TMEM63A: variants seen among roughly 807,000 people sequenced by gnomAD.
TMEM63A encodes the protein transmembrane protein 63A.
Under a neutral mutation model 100.6 loss-of-function variants are expected in TMEM63A, and 76 were observed. The ratio of observed to expected loss-of-function variants is 0.76; its 90% CI spans 0.63 to 0.91. TMEM63A has a LOEUF of 0.91. Ranked by LOEUF, TMEM63A falls within the 40% of genes least tolerant of loss-of-function variation. TMEM63A has a pLI of 0.00. For missense variants in TMEM63A, 876 were observed against 1,008.8 expected (o/e 0.87, Z 1.78); for synonymous variants, 401 against 401.1 (o/e 1.00, Z 0.00).
At chr1:225,852,150 A>G (rs1669374733) in intron 20 of TMEM63A, among the ~76,000 whole-genome samples, 2 of 152,356 alleles carry the variant, frequency 1.3e-5, no homozygotes, top group African/African-American at 2.4e-5. Flanking sequence ...CAGAAATACT[A>G]AGAGAGGTCC....
At chr1:225,847,738 A>G (rs1669091790) in intron 23 of TMEM63A, among the ~76,000 whole-genome samples, 1 of 152,178 alleles carries the variant, frequency 6.6e-6, no homozygotes, top group African/African-American at 2.4e-5. Flanking sequence ...CTGCTTGGCC[A>G]GCATAGCCAC....
rs1361620020 is a variant in TMEM63A, at chr1:225,845,851, GACAGGC to G, written c.*1082_*1087del. ...TAAGCCCAGGCCCCCCAGGCCAGCGGACAGGCACAGGCAGGGCCTACAGAGGTGCCA... is the reference window on the plus strand; with the variant it reads ...TAAGCCCAGGCCCCCCAGGCCAGCGGACAGGCAGGGCCTACAGAGGTGCCA... On this transcript the variant is annotated 3_prime_UTR_variant, in exon 25 of 25. Coordinates refer to ENST00000366835, the MANE Select transcript of TMEM63A (RefSeq NM_014698.3). The G allele has an allele frequency of 1.8e-5, 4 of 224,660 alleles. No homozygotes were observed. Among genetic ancestry groups the G allele is most frequent in the East Asian group, 2.2e-4 (2 of 9,016 alleles). The allele number at this position is 224,660 out of a possible 1,614,324, so 13.9% of individuals were successfully genotyped here.
chr1:225,855,152 G>A (rs1242106457), intron 18 of TMEM63A, among the ~76,000 whole-genome samples: 3 of 152,154 alleles, frequency 2.0e-5, no homozygotes, highest in Admixed American at 2.0e-4. Context: ...CATTCTTTTA[G>A]GAAAGTCAAT....
downstream of TMEM63A, among the ~76,000 whole-genome samples, chr1:225,844,906 G>A (rs533718071): frequency 3.9e-5 from 6 of 152,270 alleles, no homozygotes; most frequent in African/African-American, 1.4e-4. Context: ...GTCTCACATG[G>A]AAACCCTCAA....
intron 1 of TMEM63A, among the ~76,000 whole-genome samples, chr1:225,881,257 A>T (rs1671073833): frequency 6.6e-6 from 1 of 152,212 alleles, no homozygotes; most frequent in South Asian, 2.1e-4. Context: ...TCAGACAAGC[A>T]GCCTAACCAC....
chr1:225,845,296 G>A (rs769782064), downstream of TMEM63A: 4 of 1,612,710 alleles, frequency 2.5e-6, no homozygotes, highest in African/African-American at 2.7e-5. Context: ...AGGAGCCGGA[G>A]CTGCTCGCCC....
downstream of TMEM63A, chr1:225,844,463 C>T (rs529278472): frequency 6.8e-7 from 1 of 1,480,402 alleles, no homozygotes; most frequent in Non-Finnish European, 9.3e-7. Flanking sequence ...CTGCATGTGG[C>T]ACTGAGAGTG....
chr1:225,859,649 G>GTT (rs57486744), intron 14 of TMEM63A: 1,264 of 265,854 alleles, frequency 4.8e-3, no homozygotes, highest in Middle Eastern at 0.013. Context: ...TTCTTTTTCT[G>GTT]TTTTTTTTTT....
At chr1:225,873,097 TCC>T (rs1191931061) in intron 4 of TMEM63A, among the ~76,000 whole-genome samples, 2 of 152,140 alleles carry the variant, frequency 1.3e-5, no homozygotes, top group Non-Finnish European at 2.9e-5. Context: ...AGAGACACTG[TCC>T]CTTTTGACCT....
At chr1:225,845,322 T>C, downstream of TMEM63A, 1 of 1,611,760 alleles carries the variant, frequency 6.2e-7, no homozygotes, top group Non-Finnish European at 8.5e-7. Flanking sequence ...ATCCGCAAGT[T>C]CCTGTCGGTG....
At chr1:225,842,417 A>G (rs762468188), downstream of TMEM63A, 2 of 1,614,030 alleles carry the variant, frequency 1.2e-6, no homozygotes, top group Non-Finnish European at 1.7e-6. Context: ...ATTCTAGAGA[A>G]GTTTTCCACC....
chr1:225,872,901 C>T (rs1313305827), intron 4 of TMEM63A, among the ~76,000 whole-genome samples: 1 of 151,954 alleles, frequency 6.6e-6, no homozygotes, highest in Non-Finnish European at 1.5e-5. Flanking sequence ...ATCATCTTGG[C>T]CAGGCTGGTC....
Position 225,867,230 on chromosome 1 carries a change from A to C in TMEM63A, c.515-67T>G. 2 of 1,541,192 alleles carry C rather than the reference A, an allele frequency of 1.3e-6. No individual in the cohort carries two copies. The highest frequency in any genetic ancestry group is 1.8e-6 in the Non-Finnish European group (2 of 1,113,812). On this transcript the variant is annotated intron_variant, in intron 7 of 24. Transcript: ENST00000366835. The surrounding 1 kb of genome is among the most constrained non-coding windows in gnomAD (Gnocchi z 4.6). ...GAAGCAGGAGGGGGCGTAACCAATCAGCCTTGGTTTGTGGAGCTCTGGGGA... is the reference window on the plus strand; with the variant it reads ...GAAGCAGGAGGGGGCGTAACCAATCCGCCTTGGTTTGTGGAGCTCTGGGGA...
intron 2 of TMEM63A, among the ~76,000 whole-genome samples, chr1:225,878,885 TACACACACACACACACACAC>T (rs55792328): frequency 7.2e-6 from 1 of 139,520 alleles, no homozygotes; most frequent in Non-Finnish European, 1.5e-5. Context: ...CCTACCTACC[TACACACACACACACACACAC>T]ACACACACAC....
Position 225,860,883 on chromosome 1 carries a change from A to G in TMEM63A, c.1200T>C (p.Ala400=), listed in dbSNP as rs2102618078. 6.2e-7 allele frequency: 1 copy of G among 1,611,566 alleles called. No homozygotes were observed. Among genetic ancestry groups the G allele is most frequent in the Non-Finnish European group, 8.5e-7 (1 of 1,178,852 alleles). The change falls in exon 14 of 25, where the codon GCT becomes GCC. Residue 400 remains alanine (A), a synonymous_variant. Coordinates refer to ENST00000366835, the MANE Select transcript of TMEM63A (RefSeq NM_014698.3). Reference sequence around the variant, plus strand: ...ACCAGCAGATGTCCTCAGGGTCAGCAGCAAAGGTGACTGTCCACTTGGAGG... The same window carrying G: ...ACCAGCAGATGTCCTCAGGGTCAGCGGCAAAGGTGACTGTCCACTTGGAGG... ...LYTSKWTVTF[A]ADPEDICWKN... is the part of the protein sequence containing the mutation.
At chr1:225,878,071 C>T (rs1323729383) in intron 2 of TMEM63A, among the ~76,000 whole-genome samples, 2 of 152,266 alleles carry the variant, frequency 1.3e-5, no homozygotes, top group South Asian at 2.1e-4. Flanking sequence ...AAGAAGGGAA[C>T]ATCCAAGTAT....
intron 6 of TMEM63A, among the ~76,000 whole-genome samples, chr1:225,868,963 G>A (rs56108141): frequency 0.079 from 12,073 of 152,300 alleles, 665 homozygotes; most frequent in South Asian, 0.23. Flanking sequence ...TACAGAGGGA[G>A]AAGGGGCAGG....
At chr1:225,880,003 T>G (rs1671010909) in intron 1 of TMEM63A, among the ~76,000 whole-genome samples, 1 of 151,930 alleles carries the variant, frequency 6.6e-6, no homozygotes, top group South Asian at 2.1e-4. Flanking sequence ...GAGAGAGGCC[T>G]CTGCGGAGGG....
rs1669645228 is a variant in TMEM63A at position 225,856,836 on chromosome 1, G to C, written c.1484+75C>G. On this transcript the variant is annotated intron_variant, in intron 16 of 24. Transcript: ENST00000366835. ...GTGCCCACTGCCTGAGCAGCTGGGG[G>C]GTTAGGGTGTGGACAAGGGAGCGGT... The C allele has an allele frequency of 7.6e-6, 12 of 1,584,032 alleles. 1 individual carries two copies. In the South Asian group the frequency reaches 1.0e-4, roughly 13 times the overall value.
Sources: gnomAD v4.1 joint callset for allele counts (sites outside exome capture counted in the v4.1 genomes callset) on GRCh38, gnomAD v4.1.1 for gene constraint, Gnocchi (gnomAD v3.1) non-coding constraint, MANE v1.5 for transcripts, NCBI Gene and HGNC (gene_info 2026-07-23, HGNC 2026-07-21) for gene names.